PPP1R9A: variants seen among roughly 807,000 people sequenced by gnomAD.
PPP1R9A encodes neurabin-1.
Under a neutral mutation model 141.9 loss-of-function variants are expected in PPP1R9A, and 59 were observed. The ratio of observed to expected loss-of-function variants is 0.42; its 90% CI spans 0.34 to 0.52. PPP1R9A has a LOEUF of 0.52. Ranked by LOEUF, PPP1R9A falls within the 20% of genes least tolerant of loss-of-function variation. The probability of loss-of-function intolerance (pLI) is 0.10; values close to 1 mark genes in which losing one functional copy is unlikely to be tolerated. For missense variants in PPP1R9A, 1,444 were observed against 1,611.9 expected (o/e 0.90, Z 1.78); for synonymous variants, 500 against 569.7 (o/e 0.88, Z 1.74).
intron 5 of PPP1R9A, among the ~76,000 whole-genome samples, chr7:95,169,972 GTTATAA>G (rs1831860803): frequency 6.6e-6 from 1 of 151,738 alleles, no homozygotes; most frequent in South Asian, 2.1e-4. Flanking sequence ...TAAAATAGTT[GTTATAA>G]TTAGATTTCA....
chr7:95,281,245 G>T (rs183055557), intron 16 of PPP1R9A, among the ~76,000 whole-genome samples: 1 of 152,288 alleles, frequency 6.6e-6, no homozygotes, highest in Non-Finnish European at 1.5e-5. Context: ...CAGGGGCACA[G>T]CCAAGCCTCA....
At chr7:95,191,426 T>C (rs567402591) in intron 5 of PPP1R9A, among the ~76,000 whole-genome samples, 101 of 152,302 alleles carry the variant, frequency 6.6e-4, no homozygotes, top group Middle Eastern at 3.4e-3. Context: ...TCATGGTAAT[T>C]AGCATATCTA....
intron 2 of PPP1R9A, among the ~76,000 whole-genome samples, chr7:95,043,400 T>C (rs528185840): frequency 6.6e-6 from 1 of 152,314 alleles, no homozygotes; most frequent in African/African-American, 2.4e-5. Context: ...CACAAATGAA[T>C]AAAAACTTGT....
chr7:94,984,214 G>A (rs1326144423), intron 2 of PPP1R9A, among the ~76,000 whole-genome samples: 1 of 152,124 alleles, frequency 6.6e-6, no homozygotes, highest in Non-Finnish European at 1.5e-5. Flanking sequence ...TTTTTGATGT[G>A]CTGCTGGATT....
In PPP1R9A at chr7:95,273,972, G is replaced by C. The variant is rs775362613; in HGVS notation, c.3198G>C (p.Lys1066Asn). Residue 1066 changes from lysine (K) to asparagine (N), a missense_variant, in exon 15 of 20, where the codon AAG (lysine) becomes AAC (asparagine). Coordinates refer to ENST00000433360, the MANE Select transcript of PPP1R9A (RefSeq NM_001166160.2). ...LAVQGGKIKR[K>N]FVDLGAPLRR... ...TGCAAGGAGGAAAAATTAAGCGGAA[G>C]TTTGTGGATCTGGGGTAAGCACTTC... 1 of 1,504,636 alleles carries C rather than the reference G, an allele frequency of 6.6e-7. No homozygotes were observed. The highest frequency in any genetic ancestry group is 2.3e-5 in the East Asian group (1 of 44,300). The allele number at this position is 1,504,636 out of a possible 1,614,324, so 93.2% of individuals were successfully genotyped here. A position where few individuals can be genotyped will look rare whatever the true frequency, so the allele number is the denominator to read the frequency against.
intron 2 of PPP1R9A, among the ~76,000 whole-genome samples, chr7:95,047,560 G>C (rs567607713): frequency 6.6e-6 from 1 of 152,252 alleles, no homozygotes; most frequent in African/African-American, 2.4e-5. Context: ...TCCTTGTTGA[G>C]CCCAAAAAGA....
In PPP1R9A at chr7:95,103,362, C is replaced by CTTTTTTTTTTTTTTTTTTTTTTTTTTTTT. The variant is rs897838647; in HGVS notation, c.1396-7879_1396-7878insTTTTTTTTTTTTTTTTTTTTTTTTTTTTT. On this transcript the variant is annotated intron_variant, in intron 2 of 19. Transcript: ENST00000433360. ...GAGTATGTTTGGTTTTTTTTCACTT[C>CTTTTTTTTTTTTTTTTTTTTTTTTTTTTT]TTTTTTTTTTTTTTTTTTGAGACAG... is the stretch of plus-strand genomic sequence containing the variant. Among the ~76,000 whole-genome samples, 26 of 88,818 alleles carry CTTTTTTTTTTTTTTTTTTTTTTTTTTTTT rather than the reference C, an allele frequency of 2.9e-4. 4 individuals are homozygous for CTTTTTTTTTTTTTTTTTTTTTTTTTTTTT. The highest frequency in any genetic ancestry group is 8.9e-4 in the African/African-American group (19 of 21,360). 58.3% of individuals were successfully genotyped at this position (88,818 alleles called of 152,430 possible). A position where few individuals can be genotyped will look rare whatever the true frequency, so the allele number is the denominator to read the frequency against.
intron 2 of PPP1R9A, among the ~76,000 whole-genome samples, chr7:94,918,340 T>C (rs1413205159): frequency 6.6e-6 from 1 of 151,972 alleles, no homozygotes; most frequent in African/African-American, 2.4e-5. Flanking sequence ...ACAGATGATG[T>C]TTCAGCTTCT....
At chr7:95,105,525 A>C (rs890804215) in intron 2 of PPP1R9A, among the ~76,000 whole-genome samples, 1 of 152,220 alleles carries the variant, frequency 6.6e-6, no homozygotes, top group African/African-American at 2.4e-5. Flanking sequence ...TACTTTTCTC[A>C]GTGAAATAAA....
At chr7:95,236,830 G>A (rs1304679554) in intron 8 of PPP1R9A, among the ~76,000 whole-genome samples, 1 of 149,854 alleles carries the variant, frequency 6.7e-6, no homozygotes, top group Non-Finnish European at 1.5e-5. Flanking sequence ...TCTGAATATT[G>A]CTTTAACTAC....
chr7:95,017,357 A>G (rs552474530), intron 2 of PPP1R9A, among the ~76,000 whole-genome samples: 4 of 152,314 alleles, frequency 2.6e-5, no homozygotes, highest in East Asian at 3.9e-4. Flanking sequence ...TAGGAACCCT[A>G]TAAAACAACT....
chr7:95,073,903 AT>A (rs1222338431), intron 2 of PPP1R9A, among the ~76,000 whole-genome samples: 1 of 151,936 alleles, frequency 6.6e-6, no homozygotes, highest in Non-Finnish European at 1.5e-5. Flanking sequence ...TAAACAAAAA[AT>A]ATTATACAAG....
At chr7:95,234,088 TA>T (rs1221142676) in intron 8 of PPP1R9A, among the ~76,000 whole-genome samples, 1 of 152,114 alleles carries the variant, frequency 6.6e-6, no homozygotes. Flanking sequence ...TGAGTGGGGA[TA>T]AGTTGAAAGC....
chr7:95,245,987 C>T (rs181887897), intron 8 of PPP1R9A, among the ~76,000 whole-genome samples: 23 of 152,264 alleles, frequency 1.5e-4, no homozygotes, highest in Middle Eastern at 6.8e-3. Flanking sequence ...TTCAAAATCA[C>T]TCTCAGCACC....
chr7:95,220,496 T>C (rs1005527349), intron 7 of PPP1R9A, among the ~76,000 whole-genome samples: 1 of 152,084 alleles, frequency 6.6e-6, no homozygotes, highest in African/African-American at 2.4e-5. Flanking sequence ...AGAAGGGTCA[T>C]TTAGGCCCCA....
chr7:95,200,472 G>T (rs1210804287), intron 6 of PPP1R9A, among the ~76,000 whole-genome samples: 1 of 151,634 alleles, frequency 6.6e-6, no homozygotes, highest in Non-Finnish European at 1.5e-5. Flanking sequence ...TATAGATGAG[G>T]TCTCACTATG....
chr7:95,029,890 T>A (rs114589919), intron 2 of PPP1R9A, among the ~76,000 whole-genome samples: 2,101 of 152,324 alleles, frequency 0.014, 60 homozygotes, highest in African/African-American at 0.049. Context: ...AAATGATTGG[T>A]ACATTTACTA....
At chr7:95,168,473 A>T (rs1479200527) in intron 5 of PPP1R9A, among the ~76,000 whole-genome samples, 1 of 152,044 alleles carries the variant, frequency 6.6e-6, no homozygotes, top group Non-Finnish European at 1.5e-5. Context: ...ACTTCAGGAC[A>T]TTGGTCTAGG....
At chr7:95,257,412 C>G (rs59049694) in intron 12 of PPP1R9A, among the ~76,000 whole-genome samples, 2,779 of 152,140 alleles carry the variant, frequency 0.018, 108 homozygotes, top group African/African-American at 0.063. Context: ...TTGGATTCTA[C>G]CTCACATTAT....
Sources: gnomAD v4.1 joint callset for allele counts (sites outside exome capture counted in the v4.1 genomes callset) on GRCh38, gnomAD v4.1.1 for gene constraint, MANE v1.5 for transcripts, NCBI Gene and HGNC (gene_info 2026-07-23, HGNC 2026-07-21) for gene names.